The following COLEC11 variants were observed in gnomAD, a reference collection of about 807,000 sequenced individuals.
COLEC11 encodes collectin-11.
COLEC11 carries 20 observed loss-of-function variants against 27.3 expected under a neutral mutation model. The ratio of observed to expected loss-of-function variants is 0.73; its 90% CI spans 0.51 to 1.06. The LOEUF (loss-of-function observed/expected upper bound fraction) is 1.06. COLEC11 is among the 50% of genes least tolerant of loss of function. The probability of loss-of-function intolerance (pLI) is 0.00; values close to 1 mark genes in which losing one functional copy is unlikely to be tolerated. For synonymous variants in COLEC11, 163 were observed against 154.7 expected (o/e 1.05, Z -0.40); for missense variants, 310 against 383.0 (o/e 0.81, Z 1.59).
At chr2:3,600,964 C>T (rs531219434) in intron 1 of COLEC11, among the ~76,000 whole-genome samples, 3 of 152,326 alleles carry the variant, frequency 2.0e-5, no homozygotes, top group African/African-American at 7.2e-5. Context: ...CTGCACGGGG[C>T]GGGCTCCCAT....
At chr2:3,607,227 G>GATA (rs886475813) in intron 2 of COLEC11, among the ~76,000 whole-genome samples, 31 of 152,154 alleles carry the variant, frequency 2.0e-4, no homozygotes, top group African/African-American at 6.7e-4. Context: ...GGCCATTTCA[G>GATA]ATAATAATAA....
chr2:3,598,488 G>A (rs866684202), intron 1 of COLEC11, among the ~76,000 whole-genome samples: 1 of 152,212 alleles, frequency 6.6e-6, no homozygotes, highest in East Asian at 1.9e-4. Context: ...AGGCTTCTGC[G>A]TGCCCAGAGA....
At chr2:3,641,331 G>T in intron 5 of COLEC11, 3 of 1,303,112 alleles carry the variant, frequency 2.3e-6, no homozygotes, top group Non-Finnish European at 3.0e-6. Flanking sequence ...GCTGAGATCA[G>T]TGTCACTGAC....
chr2:3,633,106 G>A (rs1014877063), intron 3 of COLEC11, among the ~76,000 whole-genome samples: 8 of 152,314 alleles, frequency 5.3e-5, no homozygotes, highest in Admixed American at 2.0e-4. Flanking sequence ...AGAGAGAAGC[G>A]GCCCACAGGC....
At chr2:3,622,183 A>AG (rs1269854642) in intron 3 of COLEC11, among the ~76,000 whole-genome samples, 1 of 151,718 alleles carries the variant, frequency 6.6e-6, no homozygotes, top group Non-Finnish European at 1.5e-5. Flanking sequence ...AAAAAAAAAA[A>AG]AAGTAAAATA....
At chr2:3,614,968 T>C (rs969098519) in intron 3 of COLEC11, among the ~76,000 whole-genome samples, 19 of 152,214 alleles carry the variant, frequency 1.2e-4, no homozygotes, top group South Asian at 6.2e-4. Flanking sequence ...GGGAAACTTA[T>C]TTCCATTCAA....
At chr2:3,596,553 G>A (rs1278146499) in intron 1 of COLEC11, among the ~76,000 whole-genome samples, 1 of 152,122 alleles carries the variant, frequency 6.6e-6, no homozygotes, top group African/African-American at 2.4e-5. Flanking sequence ...TGGCCAGGCT[G>A]CTCTCGAACT....
chr2:3,597,677 A>C (rs77438018), intron 1 of COLEC11, among the ~76,000 whole-genome samples: 1 of 151,800 alleles, frequency 6.6e-6, no homozygotes, highest in Non-Finnish European at 1.5e-5. Context: ...GAGACATTAA[A>C]AAAAAAAAAA....
intron 3 of COLEC11, among the ~76,000 whole-genome samples, chr2:3,623,874 A>G (rs1231129368): frequency 6.6e-6 from 1 of 152,112 alleles, no homozygotes; most frequent in Non-Finnish European, 1.5e-5. Flanking sequence ...TGTTTCCTTG[A>G]TACTTTATAT....
At chr2:3,626,020 C>T (rs1664528356) in intron 3 of COLEC11, 1 of 1,613,656 alleles carries the variant, frequency 6.2e-7, no homozygotes, top group Non-Finnish European at 8.5e-7. Flanking sequence ...CCAGCAGTCA[C>T]AGCCAGTCGT....
intron 2 of COLEC11, among the ~76,000 whole-genome samples, chr2:3,612,083 G>A (rs1033893134): frequency 6.6e-5 from 10 of 152,206 alleles, no homozygotes; most frequent in African/African-American, 2.4e-4. Flanking sequence ...GCCCACAAAG[G>A]TGCAAATGGA....
chr2:3,598,758 C>T (rs1298632910), intron 1 of COLEC11, among the ~76,000 whole-genome samples: 1 of 149,620 alleles, frequency 6.7e-6, no homozygotes, highest in Non-Finnish European at 1.5e-5. Context: ...GCCGTGGGTG[C>T]GGGGTGTGGA....
intron 1 of COLEC11, among the ~76,000 whole-genome samples, chr2:3,599,113 G>C (rs1423583414): frequency 6.6e-6 from 1 of 152,136 alleles, no homozygotes; most frequent in Non-Finnish European, 1.5e-5. Context: ...CCACACACTG[G>C]TTACGCAATG....
intron 2 of COLEC11, among the ~76,000 whole-genome samples, chr2:3,612,328 A>G (rs72769321): frequency 0.019 from 2,820 of 152,232 alleles, 45 homozygotes; most frequent in Non-Finnish European, 0.026. Context: ...TGCAACAGGT[A>G]AGAAATACGG....
At chr2:3,616,474 G>T (rs1451892263) in intron 3 of COLEC11, among the ~76,000 whole-genome samples, 1 of 152,228 alleles carries the variant, frequency 6.6e-6, no homozygotes, top group Non-Finnish European at 1.5e-5. Context: ...GCAACATTGA[G>T]CACTGAGTGA....
intron 4 of COLEC11, among the ~76,000 whole-genome samples, chr2:3,639,121 G>A (rs950958025): frequency 1.3e-5 from 2 of 152,222 alleles, no homozygotes; most frequent in African/African-American, 4.8e-5. Context: ...TCACCTGTGT[G>A]GTAGCGTGGG....
intron 3 of COLEC11, among the ~76,000 whole-genome samples, chr2:3,618,605 C>G (rs114585966): frequency 0.024 from 3,628 of 152,270 alleles, 153 homozygotes; most frequent in African/African-American, 0.081. Context: ...AATTTGAAAT[C>G]AGGAAGTGTG....
At chr2:3,610,740 ACCCCTGCTC>A (rs1663125345) in intron 2 of COLEC11, among the ~76,000 whole-genome samples, 1 of 151,942 alleles carries the variant, frequency 6.6e-6, no homozygotes, top group East Asian at 1.9e-4. Flanking sequence ...GTGCCTGGCT[ACCCCTGCTC>A]AGCAGCTTAG....
intron 2 of COLEC11, chr2:3,606,158 G>A (rs768397224): frequency 4.5e-6 from 7 of 1,550,450 alleles, no homozygotes; most frequent in South Asian, 1.2e-5. Context: ...GTGGAGAGCT[G>A]GACTTTTGGC....
Sources: gnomAD v4.1 joint callset for allele counts (sites outside exome capture counted in the v4.1 genomes callset) on GRCh38, gnomAD v4.1.1 for gene constraint, MANE v1.5 for transcripts, NCBI Gene and HGNC (gene_info 2026-07-23, HGNC 2026-07-21) for gene names.